LDLRAD4: variants seen among roughly 807,000 people sequenced by gnomAD.
LDLRAD4 encodes the protein low density lipoprotein receptor class A domain containing 4, also known as low-density lipoprotein receptor class A domain-containing protein 4.
LDLRAD4 carries 5 observed loss-of-function variants against 17.0 expected under a neutral mutation model. The observed-to-expected ratio is 0.29, with a 90% CI of 0.15 to 0.62. LDLRAD4 has a LOEUF of 0.62. Ranked by LOEUF, LDLRAD4 falls within the 20% of genes least tolerant of loss-of-function variation. The pLI is 0.84. For synonymous variants in LDLRAD4, 168 were observed against 171.8 expected (o/e 0.98, Z 0.17); for missense variants, 340 against 424.7 (o/e 0.80, Z 1.75).
chr18:13,565,050 TG>T (rs1389723698), intron 3 of LDLRAD4: 2 of 152,252 alleles, frequency 1.3e-5, no homozygotes, highest in Non-Finnish European at 2.9e-5. Flanking sequence ...TGCCCTTGTC[TG>T]GAAAATAAAG....
At chr18:13,365,252 C>G (rs549923045) in intron 1 of LDLRAD4, among the ~76,000 whole-genome samples, 7 of 152,204 alleles carry the variant, frequency 4.6e-5, no homozygotes, top group Non-Finnish European at 8.8e-5. Context: ...ACCTTGAGAG[C>G]TGGTTCCATG....
chr18:13,409,625 TCTAAA>T (rs2088134648), intron 2 of LDLRAD4, among the ~76,000 whole-genome samples: 1 of 152,244 alleles, frequency 6.6e-6, no homozygotes, highest in Non-Finnish European at 1.5e-5. Flanking sequence ...ATGAACATTC[TCTAAA>T]CTAATTCTTA....
At chr18:13,425,363 C>A (rs2089842607) in intron 2 of LDLRAD4, among the ~76,000 whole-genome samples, 1 of 152,102 alleles carries the variant, frequency 6.6e-6, no homozygotes, top group South Asian at 2.1e-4. Context: ...TTTCAGTGTG[C>A]ATTTTGGGAC....
At position 13,621,387 on chromosome 18, in the gene LDLRAD4, C is replaced by T. The variant is rs932096856; in HGVS notation, c.336+116C>T. On this transcript the variant is annotated intron_variant, in intron 4 of 5. Transcript: ENST00000359446. This position sits in a 1 kb window ranked among gnomAD's most constrained non-coding sequence, Gnocchi z 5.5. ...TTGACATGTAACAAACGGGGCGAAG[C>T]GCACCTCGTAAGTGTTCCACTTAGT... is the stretch of plus-strand genomic sequence containing the variant. 1.2e-5 allele frequency: 9 copies of T among 745,238 alleles called. No individual in the cohort carries two copies. The highest frequency in any genetic ancestry group is 2.7e-5 in the East Asian group (1 of 37,640). The allele number at this position is 745,238 out of a possible 1,614,324, so 46.2% of individuals were successfully genotyped here.
At chr18:13,502,732 C>G (rs942817719) in intron 3 of LDLRAD4, among the ~76,000 whole-genome samples, 2 of 152,196 alleles carry the variant, frequency 1.3e-5, no homozygotes, top group Admixed American at 6.5e-5. Flanking sequence ...ACGGGCCACA[C>G]CCATGGACGT....
intron 2 of LDLRAD4, among the ~76,000 whole-genome samples, chr18:13,390,077 G>T (rs1164050812): frequency 6.6e-6 from 1 of 152,156 alleles, no homozygotes; most frequent in African/African-American, 2.4e-5. Context: ...AGAGTGAACA[G>T]GTCAGGCTAA....
In LDLRAD4 at chr18:13,639,583, A is replaced by G. The variant is rs74840920; in HGVS notation, c.337-3776A>G. On this transcript the variant is annotated intron_variant, in intron 4 of 5. Transcript: ENST00000359446. ...GGGGTGGTTGGGATTCAGCCTTTCT[A>G]GAACTCCGGTCAGTCTTCCCATCTG... is the stretch of plus-strand genomic sequence containing the variant. 4.2e-3 allele frequency among the ~76,000 whole-genome samples: 637 copies of G among 152,306 alleles called. 14 individuals are homozygous for G. The East Asian group carries it at 0.051, about 12-fold the overall frequency.
At chr18:13,274,958 G>A (rs1310577111), upstream of LDLRAD4, among the ~76,000 whole-genome samples, 1 of 151,850 alleles carries the variant, frequency 6.6e-6, no homozygotes, top group Non-Finnish European at 1.5e-5. Flanking sequence ...GAGTCCAGGA[G>A]TTTGAGGCTG....
chr18:13,624,956 C>T (rs1051631603), intron 4 of LDLRAD4, among the ~76,000 whole-genome samples: 1 of 152,196 alleles, frequency 6.6e-6, no homozygotes, highest in Non-Finnish European at 1.5e-5. Flanking sequence ...CCCCTGCAAG[C>T]CCCTAAGCAC....
chr18:13,233,544 T>A (rs2042187629), intron 1 of LDLRAD4, among the ~76,000 whole-genome samples: 1 of 152,174 alleles, frequency 6.6e-6, no homozygotes, highest in South Asian at 2.1e-4. Flanking sequence ...GGAAACCTTC[T>A]CTAAGCAAAG....
intron 1 of LDLRAD4, among the ~76,000 whole-genome samples, chr18:13,319,874 C>T (rs2081127177): frequency 6.6e-6 from 1 of 152,162 alleles, no homozygotes. Context: ...CGATTTAAAG[C>T]TCAGGTCATG....
At chr18:13,238,913 C>T (rs1016593957) in intron 1 of LDLRAD4, among the ~76,000 whole-genome samples, 4 of 152,024 alleles carry the variant, frequency 2.6e-5, no homozygotes, top group Non-Finnish European at 4.4e-5. Flanking sequence ...TAAGGCCAGG[C>T]GGGTGGCTCA....
intron 3 of LDLRAD4, among the ~76,000 whole-genome samples, chr18:13,497,316 A>G (rs901246774): frequency 5.3e-5 from 8 of 151,534 alleles, no homozygotes; most frequent in Admixed American, 1.3e-4. Context: ...AGCTGGGACT[A>G]CCGGGACATG....
In LDLRAD4 at chr18:13,391,295, A is replaced by G. The variant is rs1395280285; in HGVS notation, c.40+3533A>G. Among the ~76,000 whole-genome samples the G allele has an allele frequency of 1.2e-4, 18 of 152,044 alleles. No individual in the cohort carries two copies. The South Asian group carries it at 3.7e-3, about 32-fold the overall frequency. ...CCTCTTTAAGAGGGTTTTGGGCAGC[A>G]CTCGGGCTGTGGGGGAGGGCTGGGA... On this transcript the variant is annotated intron_variant, in intron 2 of 5. Transcript: ENST00000359446.
In LDLRAD4 at chr18:13,386,941, TA is replaced by T. The variant is rs1313878497; in HGVS notation, c.-382-399del. 5.8e-3 allele frequency among the ~76,000 whole-genome samples: 699 copies of T among 121,416 alleles called. 7 individuals are homozygous for T. The highest frequency in any genetic ancestry group is 0.025 in the African/African-American group (624 of 25,112). The allele number at this position is 121,416 out of a possible 152,430, so 79.7% of individuals were successfully genotyped here. A position where few individuals can be genotyped will look rare whatever the true frequency, so the allele number is the denominator to read the frequency against. On this transcript the variant is annotated intron_variant, in intron 1 of 5. Transcript: ENST00000359446. ...ATAGATAGATAGATAGATAGATAGA[TA>T]GATAGATGGATGGATGGATAGATAA...
intron 1 of LDLRAD4, among the ~76,000 whole-genome samples, chr18:13,331,452 G>C (rs2081862728): frequency 6.6e-6 from 1 of 152,192 alleles, no homozygotes; most frequent in African/African-American, 2.4e-5. Flanking sequence ...AAAGAAAAAA[G>C]AGAAAATAAG....
At chr18:13,509,043 C>T (rs907607582) in intron 3 of LDLRAD4, among the ~76,000 whole-genome samples, 1 of 152,196 alleles carries the variant, frequency 6.6e-6, no homozygotes, top group Non-Finnish European at 1.5e-5. Context: ...TGGCTCATGC[C>T]TGTAATTCCA....
At chr18:13,574,601 C>G (rs1383891916) in intron 3 of LDLRAD4, among the ~76,000 whole-genome samples, 2 of 152,190 alleles carry the variant, frequency 1.3e-5, no homozygotes, top group Non-Finnish European at 2.9e-5. Context: ...TTCCTCGCTG[C>G]CTGAGAGCCC....
In LDLRAD4 at chr18:13,271,719, T is replaced by A. The variant is rs528290122; in HGVS notation, c.-466-6386T>A. ...CGCGCAGGAGGTGGGGCCTCTGAAC[T>A]TTGCTGCCTGAGCACTTGAGCCAAG... is the stretch of plus-strand genomic sequence containing the variant. On this transcript the variant is annotated intron_variant, in intron 1 of 5. Transcript: ENST00000399848. Among the ~76,000 whole-genome samples the A allele has an allele frequency of 1.3e-4, 20 of 152,238 alleles. No individual in the cohort carries two copies. The South Asian group carries it at 3.1e-3, about 24-fold the overall frequency.
Sources: gnomAD v4.1 joint callset for allele counts (sites outside exome capture counted in the v4.1 genomes callset) on GRCh38, gnomAD v4.1.1 for gene constraint, Gnocchi (gnomAD v3.1) non-coding constraint, MANE v1.5 for transcripts, NCBI Gene and HGNC (gene_info 2026-07-23, HGNC 2026-07-21) for gene names.